L3MBTL4: variants seen among roughly 807,000 people sequenced by gnomAD.
The protein encoded by L3MBTL4 is lethal(3)malignant brain tumor-like protein 4.
Under a neutral mutation model 84.5 loss-of-function variants are expected in L3MBTL4, and 70 were observed. That is an observed-to-expected ratio of 0.83 (90% confidence interval 0.68 to 1.01). The LOEUF is 1.01. Among genes scored for constraint, L3MBTL4 ranks in the 50% least tolerant of loss-of-function variants. The pLI, the probability that L3MBTL4 is intolerant of heterozygous loss-of-function variation, is 0.00. For missense variants in L3MBTL4, 715 were observed against 754.8 expected (o/e 0.95, Z 0.62); for synonymous variants, 274 against 259.8 (o/e 1.05, Z -0.52).
chr18:6,000,105 A>C (rs1211641194), intron 16 of L3MBTL4, among the ~76,000 whole-genome samples: 1 of 152,144 alleles, frequency 6.6e-6, no homozygotes, highest in African/African-American at 2.4e-5. Flanking sequence ...AAAAAGAAAG[A>C]AGAAAAAGAA....
chr18:6,230,253 C>T (rs2046941281), intron 10 of L3MBTL4, among the ~76,000 whole-genome samples: 1 of 152,060 alleles, frequency 6.6e-6, no homozygotes, highest in Admixed American at 6.6e-5. Flanking sequence ...TCAAGAATCC[C>T]CCCAGTGTCT....
intron 1 of L3MBTL4, among the ~76,000 whole-genome samples, chr18:6,400,280 A>C (rs1444706296): frequency 1.3e-5 from 2 of 152,244 alleles, no homozygotes; most frequent in East Asian, 3.8e-4. Context: ...AAATTAGTTG[A>C]TAAACCATTG....
chr18:6,405,374 G>T (rs972969855), intron 1 of L3MBTL4, among the ~76,000 whole-genome samples: 1 of 152,224 alleles, frequency 6.6e-6, no homozygotes, highest in South Asian at 2.1e-4. Context: ...AAAAGCTGGC[G>T]TGAAGGTAAT....
At chr18:6,167,087 T>G (rs1197593264) in intron 13 of L3MBTL4, among the ~76,000 whole-genome samples, 1 of 152,114 alleles carries the variant, frequency 6.6e-6, no homozygotes, top group Non-Finnish European at 1.5e-5. Context: ...AAGAAATGGA[T>G]AAATTCCTGT....
At chr18:6,032,354 T>C (rs926342433) in intron 16 of L3MBTL4, 16 of 973,154 alleles carry the variant, frequency 1.6e-5, no homozygotes, top group African/African-American at 1.8e-5. Flanking sequence ...TTTATATCAC[T>C]GAATGGAATC....
At position 6,302,061 on chromosome 18, in the gene L3MBTL4, G is replaced by A. The variant is rs75468589; in HGVS notation, c.73-104C>T. 3,746 of 945,822 alleles carry A rather than the reference G, an allele frequency of 4.0e-3. 77 individuals carry two copies. The African/African-American group carries it at 0.053, about 13-fold the overall frequency. 58.6% of individuals were successfully genotyped at this position (945,822 alleles called of 1,614,324 possible). A position where few individuals can be genotyped will look rare whatever the true frequency, so the allele number is the denominator to read the frequency against. The stretch of plus-strand genomic sequence containing the variant: ...AGGAAGGAAAGTTATGAAGATCCTC[G>A]TCACTGAGGCGGACAACGCACACAA... On this transcript the variant is annotated intron_variant, in intron 3 of 18. Coordinates refer to ENST00000317931, the MANE Select transcript of L3MBTL4 (RefSeq NM_001330559.2).
At chr18:6,314,022 AGATG>A (rs2050960859) in intron 1 of L3MBTL4, among the ~76,000 whole-genome samples, 1 of 150,588 alleles carries the variant, frequency 6.6e-6, no homozygotes, top group African/African-American at 2.4e-5. Flanking sequence ...AATGTTATAC[AGATG>A]GATGGCAGAT....
At chr18:6,191,998 C>T (rs2045122103) in intron 12 of L3MBTL4, among the ~76,000 whole-genome samples, 1 of 147,536 alleles carries the variant, frequency 6.8e-6, no homozygotes, top group Non-Finnish European at 1.5e-5. Context: ...TCCCCTCCTC[C>T]CCCCCCTCAA....
At chr18:6,219,076 C>T (rs1324146107) in intron 10 of L3MBTL4, among the ~76,000 whole-genome samples, 1 of 152,166 alleles carries the variant, frequency 6.6e-6, no homozygotes, top group African/African-American at 2.4e-5. Context: ...TCAGTTATTC[C>T]TCATCTATCC....
At chr18:6,283,037 A>G (rs867166446) in intron 4 of L3MBTL4, among the ~76,000 whole-genome samples, 2 of 152,340 alleles carry the variant, frequency 1.3e-5, no homozygotes, top group African/African-American at 4.8e-5. Flanking sequence ...TCCAAGACCC[A>G]CAGGTACAGG....
At chr18:6,120,222 G>T (rs960113197) in intron 14 of L3MBTL4, among the ~76,000 whole-genome samples, 1 of 152,170 alleles carries the variant, frequency 6.6e-6, no homozygotes, top group Non-Finnish European at 1.5e-5. Context: ...TCTCGGAACC[G>T]ACCACGTGCC....
At chr18:6,081,353 C>A (rs894338841) in intron 15 of L3MBTL4, 1 of 155,618 alleles carries the variant, frequency 6.4e-6, no homozygotes, top group Non-Finnish European at 1.4e-5. Flanking sequence ...TGTGCTCAAA[C>A]AACTGTATAA....
intron 16 of L3MBTL4, among the ~76,000 whole-genome samples, chr18:6,054,211 C>A (rs926781533): frequency 6.6e-6 from 1 of 152,106 alleles, no homozygotes. Flanking sequence ...TGCATCGTCA[C>A]AATTTTTTTT....
At chr18:6,128,043 G>GGGGGAA (rs33962117) in intron 14 of L3MBTL4, among the ~76,000 whole-genome samples, 1 of 112,020 alleles carries the variant, frequency 8.9e-6, no homozygotes, top group African/African-American at 3.8e-5. Context: ...TGGGGCGGGG[G>GGGGGAA]AAGAGTCAAT....
At chr18:6,218,590 A>G (rs1329384487) in intron 10 of L3MBTL4, among the ~76,000 whole-genome samples, 1 of 152,160 alleles carries the variant, frequency 6.6e-6, no homozygotes, top group Non-Finnish European at 1.5e-5. Flanking sequence ...TTTGTGAAAA[A>G]CAGGTGAAAA....
intron 10 of L3MBTL4, among the ~76,000 whole-genome samples, chr18:6,228,231 A>T (rs1423480326): frequency 6.6e-6 from 1 of 152,174 alleles, no homozygotes; most frequent in Admixed American, 6.5e-5. Flanking sequence ...CCAAACAAAA[A>T]TCAAACCTTG....
chr18:6,035,696 G>A (rs1598505415), intron 16 of L3MBTL4, among the ~76,000 whole-genome samples: 1 of 152,108 alleles, frequency 6.6e-6, no homozygotes. Flanking sequence ...AAAGTCATTG[G>A]TAGCTTGATG....
intron 1 of L3MBTL4, among the ~76,000 whole-genome samples, chr18:6,373,562 G>A (rs1457316521): frequency 6.6e-6 from 1 of 152,162 alleles, no homozygotes; most frequent in Non-Finnish European, 1.5e-5. Flanking sequence ...TTGACAAAGT[G>A]CAAAGAGAAG....
intron 8 of L3MBTL4, among the ~76,000 whole-genome samples, chr18:6,240,995 G>A (rs913126008): frequency 6.6e-6 from 1 of 152,172 alleles, no homozygotes. Flanking sequence ...TCTAGGCTGG[G>A]TACATTCAAA....
Sources: allele counts gnomAD v4.1 joint callset (sites outside exome capture counted in the v4.1 genomes callset), GRCh38; gene constraint gnomAD v4.1.1; transcripts MANE v1.5; gene names NCBI Gene and HGNC (gene_info 2026-07-23, HGNC 2026-07-21).